Variants in LHFPL3 observed in about 807,000 individuals in gnomAD.
The protein encoded by LHFPL3 is LHFPL tetraspan subfamily member 3 protein.
Under a neutral mutation model 19.3 loss-of-function variants are expected in LHFPL3, and 5 were observed. That is an observed-to-expected ratio of 0.26 (90% CI 0.14 to 0.54). The LOEUF (loss-of-function observed/expected upper bound fraction) is 0.54, where lower values mean the gene tolerates loss of function less well. Among genes scored for constraint, LHFPL3 ranks in the 20% least tolerant of loss-of-function variants. The pLI is 0.94. For synonymous variants in LHFPL3, 133 were observed against 126.2 expected (o/e 1.05, Z -0.36); for missense variants, 249 against 307.4 (o/e 0.81, Z 1.42).
chr7:104,440,120 A>T (rs923479210), intron 1 of LHFPL3, among the ~76,000 whole-genome samples: 1 of 151,794 alleles, frequency 6.6e-6, no homozygotes, highest in Non-Finnish European at 1.5e-5. Context: ...TGGCGCATGT[A>T]TACATATGTA....
intron 1 of LHFPL3, among the ~76,000 whole-genome samples, chr7:104,332,592 TA>T (rs1472280961): frequency 1.3e-5 from 2 of 152,178 alleles, no homozygotes; most frequent in African/African-American, 2.4e-5. Flanking sequence ...TATTACAATA[TA>T]AAAAATTATT....
chr7:104,858,762 C>A (rs1326929632), intron 2 of LHFPL3, among the ~76,000 whole-genome samples: 3 of 152,066 alleles, frequency 2.0e-5, no homozygotes, highest in Non-Finnish European at 4.4e-5. Flanking sequence ...TTCTTAATCC[C>A]CTCCCCTTGG....
chr7:104,664,347 T>C (rs1792285069), intron 1 of LHFPL3, among the ~76,000 whole-genome samples: 1 of 151,468 alleles, frequency 6.6e-6, no homozygotes, highest in African/African-American at 2.4e-5. Flanking sequence ...TCTTTTTGAA[T>C]ACATGCTAAA....
At chr7:104,557,375 G>A (rs534194931) in intron 1 of LHFPL3, among the ~76,000 whole-genome samples, 18 of 152,326 alleles carry the variant, frequency 1.2e-4, no homozygotes, top group Non-Finnish European at 2.4e-4. Flanking sequence ...GTTTTACATG[G>A]ATGGCAGCAG....
Position 104,328,783 on chromosome 7 carries a change from C to CCCGGAG in LHFPL3, c.8_13dup (p.Gly3_Ala4dup), listed in dbSNP as rs1261399623. On this transcript the variant is annotated inframe_insertion, in exon 1 of 3. Transcript: ENST00000424859. This position sits in a 1 kb window ranked among gnomAD's most constrained non-coding sequence, Gnocchi z 4.6. ...GAGGAGGAGGAGGAGGGGGAGAATG[C>CCCGGAG]CCGGAGCCGCCGCCGCTGCCGCCGC... is the stretch of plus-strand genomic sequence containing the variant. 1 of 1,586,250 alleles carries CCCGGAG rather than the reference C, an allele frequency of 6.3e-7. No homozygotes were observed. The highest frequency in any genetic ancestry group is 2.3e-5 in the East Asian group (1 of 43,196).
chr7:104,343,667 A>G (rs1345666417), intron 1 of LHFPL3, among the ~76,000 whole-genome samples: 1 of 151,650 alleles, frequency 6.6e-6, no homozygotes, highest in East Asian at 1.9e-4. Context: ...AAAATGAACC[A>G]TTGTCACTTC....
At chr7:104,738,002 C>A (rs944523542) in intron 2 of LHFPL3, among the ~76,000 whole-genome samples, 2 of 134,224 alleles carry the variant, frequency 1.5e-5, no homozygotes, top group African/African-American at 2.7e-5. Context: ...ACTGTTTATG[C>A]GGGTAAACTA....
chr7:104,328,639 C>A lies in LHFPL3; in HGVS notation c.-141C>A. 1.3e-6 allele frequency: 1 copy of A among 744,620 alleles called. No homozygotes were observed. The highest frequency in any genetic ancestry group is 1.7e-5 in the South Asian group (1 of 57,808). 46.1% of individuals were successfully genotyped at this position (744,620 alleles called of 1,614,324 possible). A position where few individuals can be genotyped will look rare whatever the true frequency, so the allele number is the denominator to read the frequency against. ...CTCCTTCCGGGAGCGAGGATGCAGA[C>A]TCTGAAACTGGTGCTGCTGGGCTGA... On this transcript the variant is annotated 5_prime_UTR_variant, in exon 1 of 3. Coordinates refer to ENST00000424859, the MANE Select transcript of LHFPL3 (RefSeq NM_199000.3). The surrounding 1 kb of genome is among the most constrained non-coding windows in gnomAD (Gnocchi z 4.6).
chr7:104,807,011 A>ATATGTGTGTGTGTGTGTGTGTG, intron 2 of LHFPL3, among the ~76,000 whole-genome samples: 1 of 139,766 alleles, frequency 7.2e-6, no homozygotes, highest in African/African-American at 2.7e-5. Context: ...CAAAATATAT[A>ATATGTGTGTGTGTGTGTGTGTG]TGTGTGTGTG....
At chr7:104,534,450 G>A (rs139829049) in intron 1 of LHFPL3, among the ~76,000 whole-genome samples, 15 of 152,324 alleles carry the variant, frequency 9.8e-5, no homozygotes, top group African/African-American at 3.1e-4. Context: ...GCTGGAGGAT[G>A]TCTCTTACCT....
chr7:104,392,669 A>T lies in LHFPL3; in HGVS notation c.445+63445A>T, dbSNP rs112688193. Reference sequence around the variant, plus strand: ...TCTCTTTTTTTGTTGTGTCTCTGCCAGGCTTTGGTATCAGGATGATGCTGG... The same window carrying T: ...TCTCTTTTTTTGTTGTGTCTCTGCCTGGCTTTGGTATCAGGATGATGCTGG... On this transcript the variant is annotated intron_variant, in intron 1 of 2. Coordinates refer to ENST00000424859, the MANE Select transcript of LHFPL3 (RefSeq NM_199000.3). Among the ~76,000 whole-genome samples the T allele has an allele frequency of 4.1e-4, 63 of 152,258 alleles. 1 individual carries two copies. In the East Asian group the frequency reaches 9.9e-3, roughly 24 times the overall value.
chr7:104,334,748 A>G (rs920830462), intron 1 of LHFPL3, among the ~76,000 whole-genome samples: 2 of 152,198 alleles, frequency 1.3e-5, no homozygotes, highest in Non-Finnish European at 2.9e-5. Flanking sequence ...TCTGATGTAT[A>G]GGTAATGATC....
At chr7:104,420,204 C>T (rs1181672276) in intron 1 of LHFPL3, among the ~76,000 whole-genome samples, 2 of 152,202 alleles carry the variant, frequency 1.3e-5, no homozygotes, top group Non-Finnish European at 2.9e-5. Context: ...CTTCTGACCA[C>T]TTTTGCCACA....
intron 2 of LHFPL3, chr7:104,845,551 G>A (rs1791298182): frequency 1.8e-6 from 2 of 1,140,348 alleles, no homozygotes; most frequent in Non-Finnish European, 2.4e-6. Flanking sequence ...TGAGCCGCAT[G>A]AAACTGCCGC....
chr7:104,387,033 C>G (rs920123769), intron 1 of LHFPL3, among the ~76,000 whole-genome samples: 1 of 151,944 alleles, frequency 6.6e-6, no homozygotes, highest in Non-Finnish European at 1.5e-5. Context: ...CCAGAGGAAG[C>G]CAAAATGTTG....
intron 1 of LHFPL3, among the ~76,000 whole-genome samples, chr7:104,362,100 TG>T (rs767871851): frequency 8.5e-5 from 13 of 152,196 alleles, no homozygotes; most frequent in Non-Finnish European, 1.5e-4. Flanking sequence ...GGGTTCTAGT[TG>T]GGGGTTCTCC....
intron 1 of LHFPL3, among the ~76,000 whole-genome samples, chr7:104,558,319 T>G (rs1789902523): frequency 4.1e-5 from 6 of 146,862 alleles, no homozygotes; most frequent in Admixed American, 3.4e-4. Context: ...TTCCTATTTC[T>G]CCACATCCTC....
intron 2 of LHFPL3, among the ~76,000 whole-genome samples, chr7:104,860,178 CCACACA>C (rs10534227): frequency 8.7e-4 from 112 of 128,960 alleles, no homozygotes; most frequent in African/African-American, 2.1e-3. Flanking sequence ...ATACACCCAC[CCACACA>C]CACACACACA....
At chr7:104,531,953 A>G (rs1794302772) in intron 1 of LHFPL3, among the ~76,000 whole-genome samples, 2 of 152,102 alleles carry the variant, frequency 1.3e-5, no homozygotes, top group Admixed American at 1.3e-4. Context: ...AACACTGGGC[A>G]CACGAGAAGC....
Sources: allele counts gnomAD v4.1 joint callset (sites outside exome capture counted in the v4.1 genomes callset), GRCh38; gene constraint gnomAD v4.1.1; non-coding constraint Gnocchi (gnomAD v3.1); transcripts MANE v1.5; gene names NCBI Gene and HGNC (gene_info 2026-07-23, HGNC 2026-07-21).